SEC62: variants seen among roughly 807,000 people sequenced by gnomAD.
SEC62 encodes SEC62 preprotein translocation factor, also known as translocation protein SEC62.
SEC62 carries 10 observed loss-of-function variants against 47.5 expected under a neutral mutation model. That is an observed-to-expected ratio of 0.21 (90% CI 0.13 to 0.36). The LOEUF (loss-of-function observed/expected upper bound fraction) is 0.36, where lower values mean the gene tolerates loss of function less well. Ranked by LOEUF, SEC62 falls within the 10% of genes least tolerant of loss-of-function variation. The probability of loss-of-function intolerance (pLI) is 1.00; values close to 1 mark genes in which losing one functional copy is unlikely to be tolerated. For synonymous variants in SEC62, 136 were observed against 150.5 expected (o/e 0.90, Z 0.71); for missense variants, 327 against 464.1 (o/e 0.70, Z 2.71).
Position 169,996,185 on chromosome 3 carries a change from G to A in SEC62, c.*3122G>A, listed in dbSNP as rs550238182. ...CACAAATACGGAATCCATGAATAAC[G>A]AGGATCAACTGTACTTAACTATATT... On this transcript the variant is annotated 3_prime_UTR_variant, in exon 8 of 8. Coordinates refer to ENST00000337002, the MANE Select transcript of SEC62 (RefSeq NM_003262.4). The A allele has an allele frequency of 4.6e-5, 7 of 152,484 alleles. No homozygotes were observed. In the East Asian group the frequency reaches 7.7e-4, roughly 17 times the overall value. 9.4% of individuals were successfully genotyped at this position (152,484 alleles called of 1,614,324 possible). A position where few individuals can be genotyped will look rare whatever the true frequency, so the allele number is the denominator to read the frequency against.
At chr3:169,975,574 A>T (rs1469192603) in intron 1 of SEC62, 34 bp from the exon 2 acceptor site, 3 of 1,317,682 alleles carry the variant, frequency 2.3e-6, no homozygotes, top group Non-Finnish European at 3.3e-6. Flanking sequence ...TCTCAAGTAT[A>T]TGATTATACT....
chr3:169,989,198 A>G (rs1715178040), intron 7 of SEC62, among the ~76,000 whole-genome samples: 1 of 149,140 alleles, frequency 6.7e-6, no homozygotes. Context: ...GGCTTAAGCA[A>G]TCCTCCTGCC....
rs1715393028 is a variant in SEC62 at position 169,996,991 on chromosome 3, ACAT to A, written c.*3929_*3931del. 6.6e-6 allele frequency: 1 copy of A among 152,246 alleles called. No individual in the cohort carries two copies. Among genetic ancestry groups the A allele is most frequent in the Non-Finnish European group, 1.5e-5 (1 of 68,040 alleles). The allele number at this position is 152,246 out of a possible 1,614,324, so 9.4% of individuals were successfully genotyped here. A position where few individuals can be genotyped will look rare whatever the true frequency, so the allele number is the denominator to read the frequency against. ...CTCTTTGTCAGATCCTTATCACCAA[ACAT>A]TAGAAAAGATCTCATAACTTTATAC... On this transcript the variant is annotated 3_prime_UTR_variant, in exon 8 of 8. Transcript: ENST00000337002.
chr3:169,968,108 A>G (rs1714600201), intron 1 of SEC62, among the ~76,000 whole-genome samples: 1 of 152,214 alleles, frequency 6.6e-6, no homozygotes, highest in Admixed American at 6.5e-5. Context: ...AGGTCTTAAG[A>G]TCAGTAGAAG....
At chr3:169,977,298 CAA>C (rs774874592) in intron 3 of SEC62, among the ~76,000 whole-genome samples, 16 of 152,104 alleles carry the variant, frequency 1.1e-4, no homozygotes, top group Non-Finnish European at 2.1e-4. Context: ...GGGTCAGCAA[CAA>C]AAGTCATATA....
intron 5 of SEC62, among the ~76,000 whole-genome samples, chr3:169,984,553 A>G (rs1452888458): frequency 6.6e-6 from 1 of 152,226 alleles, no homozygotes; most frequent in Non-Finnish European, 1.5e-5. Flanking sequence ...AGCCTGAGCA[A>G]ACGCATGGGT....
At chr3:169,976,507 A>T (rs559497555) in intron 2 of SEC62, among the ~76,000 whole-genome samples, 1 of 152,336 alleles carries the variant, frequency 6.6e-6, no homozygotes, top group South Asian at 2.1e-4. Context: ...TAATATGTTT[A>T]GCTGTTTCTT....
rs1253173932 is a variant in SEC62, at chr3:169,995,223, T to A, written c.*2160T>A. 4 of 152,184 alleles carry A rather than the reference T, an allele frequency of 2.6e-5. No individual in the cohort carries two copies. The highest frequency in any genetic ancestry group is 5.9e-5 in the Non-Finnish European group (4 of 68,004). The allele number at this position is 152,184 out of a possible 1,614,324, so 9.4% of individuals were successfully genotyped here. A position where few individuals can be genotyped will look rare whatever the true frequency, so the allele number is the denominator to read the frequency against. The stretch of plus-strand genomic sequence containing the variant: ...TTTAAGAACTTCAGATTTGCTATGC[T>A]GCTGTAAGTAGAAAGCATGAAGCTT... On this transcript the variant is annotated 3_prime_UTR_variant, in exon 8 of 8. Coordinates refer to ENST00000337002, the MANE Select transcript of SEC62 (RefSeq NM_003262.4).
At position 169,976,941 on chromosome 3, in the gene SEC62, T is replaced by G. The variant is rs376458499; in HGVS notation, c.146-5T>G. The G allele has an allele frequency of 4.7e-5, 74 of 1,589,890 alleles. No homozygotes were observed. In the African/African-American group the frequency reaches 9.3e-4, roughly 20 times the overall value. On this transcript the variant is annotated splice_region_variant and splice_polypyrimidine_tract_variant and intron_variant, in intron 2 of 7. Transcript: ENST00000337002. ...TAAATTTAAAATAATGAATTTCTTC[T>G]TTAGCTTCAAAAGCAGTGGACTGTC... is the stretch of plus-strand genomic sequence containing the variant.
chr3:169,978,196 G>A (rs545081905), intron 3 of SEC62, among the ~76,000 whole-genome samples: 30 of 151,950 alleles, frequency 2.0e-4, no homozygotes, highest in Non-Finnish European at 3.1e-4. Flanking sequence ...GGAGAATGGC[G>A]TGAACCCGGG....
intron 3 of SEC62, among the ~76,000 whole-genome samples, chr3:169,978,768 A>G (rs924897900): frequency 1.3e-5 from 2 of 152,034 alleles, no homozygotes; most frequent in Non-Finnish European, 2.9e-5. Context: ...CTGCCACAAA[A>G]CTGATGTATT....
chr3:169,967,525 T>C lies in SEC62; in HGVS notation c.36+667T>C, dbSNP rs147774674. On this transcript the variant is annotated intron_variant, in intron 1 of 7. Coordinates refer to ENST00000337002, the MANE Select transcript of SEC62 (RefSeq NM_003262.4). ...TAAACAACCACAACCTCGTTGGTGC[T>C]GCAACGAGCTGGTGGAGCCCAGAAA... Among the ~76,000 whole-genome samples the C allele has an allele frequency of 1.4e-3, 218 of 152,304 alleles. 1 individual carries two copies. Among genetic ancestry groups the C allele is most frequent in the African/African-American group, 4.8e-3 (201 of 41,554 alleles).
intron 7 of SEC62, among the ~76,000 whole-genome samples, chr3:169,989,010 T>C (rs908072090): frequency 1.3e-5 from 2 of 151,664 alleles, no homozygotes. Context: ...AAATACTAGA[T>C]GCAATAAGGA....
At chr3:169,974,862 A>G (rs1191406910) in intron 1 of SEC62, among the ~76,000 whole-genome samples, 1 of 152,264 alleles carries the variant, frequency 6.6e-6, no homozygotes, top group Non-Finnish European at 1.5e-5. Context: ...TCCATTGTTC[A>G]GGATACATAT....
At position 169,992,478 on chromosome 3, in the gene SEC62, T is replaced by A; in HGVS notation, c.731-116T>A. The A allele has an allele frequency of 4.3e-6, 3 of 697,688 alleles. No homozygotes were observed. The highest frequency in any genetic ancestry group is 3.7e-5 in the South Asian group (2 of 53,532). The allele number at this position is 697,688 out of a possible 1,614,324, so 43.2% of individuals were successfully genotyped here. A position where few individuals can be genotyped will look rare whatever the true frequency, so the allele number is the denominator to read the frequency against. Reference sequence around the variant, plus strand: ...CTAATCAGGATTTAAATATTAATATTTAAGGTGTATGAAATGTGCAGATAA... The same window carrying A: ...CTAATCAGGATTTAAATATTAATATATAAGGTGTATGAAATGTGCAGATAA... On this transcript the variant is annotated intron_variant, in intron 7 of 7. Coordinates refer to ENST00000337002, the MANE Select transcript of SEC62 (RefSeq NM_003262.4). The surrounding 1 kb of genome is among the most constrained non-coding windows in gnomAD (Gnocchi z 4.0).
intron 3 of SEC62, among the ~76,000 whole-genome samples, chr3:169,980,867 T>C (rs1714956597): frequency 6.6e-6 from 1 of 152,238 alleles, no homozygotes; most frequent in African/African-American, 2.4e-5. Context: ...ATGCTGCTTT[T>C]TCAATTAACA....
chr3:169,977,080 C>T, intron 3 of SEC62, 29 bp downstream of exon 3: 1 of 1,496,544 alleles, frequency 6.7e-7, no homozygotes, highest in Non-Finnish European at 9.2e-7. Context: ...TGAAGAATAA[C>T]ATAATAATTT....
At position 169,988,197 on chromosome 3, in the gene SEC62, A is replaced by C. The variant is rs200744000; in HGVS notation, c.611-43A>C. On this transcript the variant is annotated intron_variant, in intron 6 of 7. Transcript: ENST00000337002. ...TCTGTTAGTGCAGCCATACCATTTA[A>C]GTTTTTATTCTAAAATTTAACTTTT... 765 of 1,609,142 alleles carry C rather than the reference A, an allele frequency of 4.8e-4. 1 individual carries two copies. The highest frequency in any genetic ancestry group is 3.5e-3 in the Middle Eastern group (21 of 6,028).
chr3:169,987,248 G>A (rs1351821180), intron 6 of SEC62, among the ~76,000 whole-genome samples: 2 of 151,742 alleles, frequency 1.3e-5, no homozygotes, highest in South Asian at 2.1e-4. Flanking sequence ...GCAACATGGC[G>A]AAACCTCGTT....
Sources: allele counts gnomAD v4.1 joint callset (sites outside exome capture counted in the v4.1 genomes callset), GRCh38; gene constraint gnomAD v4.1.1; non-coding constraint Gnocchi (gnomAD v3.1); transcripts MANE v1.5; gene names NCBI Gene and HGNC (gene_info 2026-07-23, HGNC 2026-07-21).